The following DEPDC1B variants were observed in gnomAD, a reference collection of about 807,000 sequenced individuals.
DEPDC1B encodes the protein DEP domain-containing protein 1B.
A neutral mutation model predicts 66.5 loss-of-function variants in DEPDC1B; 51 were observed. The ratio of observed to expected loss-of-function variants is 0.77; its 90% CI spans 0.61 to 0.97. The LOEUF is 0.97. Among genes scored for constraint, DEPDC1B ranks in the 50% least tolerant of loss-of-function variants. The pLI, the probability that DEPDC1B is intolerant of heterozygous loss-of-function variation, is 0.00. For missense variants in DEPDC1B, 552 were observed against 637.1 expected, an observed-to-expected ratio of 0.87 and a Z score of 1.44; for synonymous variants, 226 against 223.6, an observed-to-expected ratio of 1.01 and a Z score of -0.10.
At position 60,655,509 on chromosome 5, in the gene DEPDC1B, G is replaced by A. The variant is rs374044841; in HGVS notation, c.315-7976C>T. Among the ~76,000 whole-genome samples the A allele has an allele frequency of 1.3e-4, 20 of 148,894 alleles. 3 individuals carry two copies. Among genetic ancestry groups the A allele is most frequent in the East Asian group, 6.2e-4 (3 of 4,840 alleles). ...GTTTCTAATTGAGCTTATTTGGATCGTCTCTCTTTTCTTGGTTAATCTTAC... is the reference window on the plus strand; with the variant it reads ...GTTTCTAATTGAGCTTATTTGGATCATCTCTCTTTTCTTGGTTAATCTTAC... On this transcript the variant is annotated intron_variant, in intron 2 of 10. Coordinates refer to ENST00000265036, the MANE Select transcript of DEPDC1B (RefSeq NM_018369.3).
intron 2 of DEPDC1B, among the ~76,000 whole-genome samples, chr5:60,677,814 C>A (rs969231189): frequency 6.6e-6 from 1 of 152,096 alleles, no homozygotes; most frequent in African/African-American, 2.4e-5. Flanking sequence ...AATCACAGGA[C>A]AACAACCCAT....
At chr5:60,648,155 C>T (rs1753364424) in intron 2 of DEPDC1B, 2 of 152,138 alleles carry the variant, frequency 1.3e-5, no homozygotes, top group African/African-American at 4.8e-5. Flanking sequence ...CTTTGTCTTT[C>T]CTCTGTTTGC....
chr5:60,651,861 G>A (rs918218988), intron 2 of DEPDC1B, among the ~76,000 whole-genome samples: 1 of 152,210 alleles, frequency 6.6e-6, no homozygotes, highest in African/African-American at 2.4e-5. Flanking sequence ...AATTTCCCAG[G>A]ATGAATGATG....
At chr5:60,682,519 A>C (rs1260886697) in intron 2 of DEPDC1B, among the ~76,000 whole-genome samples, 5 of 152,224 alleles carry the variant, frequency 3.3e-5, no homozygotes, top group Admixed American at 3.3e-4. Flanking sequence ...GTATAATTAA[A>C]AAAATAAAAA....
intron 7 of DEPDC1B, among the ~76,000 whole-genome samples, chr5:60,612,298 C>G (rs1208718521): frequency 6.6e-6 from 1 of 151,894 alleles, no homozygotes; most frequent in Non-Finnish European, 1.5e-5. Flanking sequence ...TGGCATGTGC[C>G]TGTCGTCCCA....
At chr5:60,640,641 G>A (rs1316394012) in intron 6 of DEPDC1B, among the ~76,000 whole-genome samples, 1 of 152,166 alleles carries the variant, frequency 6.6e-6, no homozygotes, top group Non-Finnish European at 1.5e-5. Flanking sequence ...CCAGCATTGA[G>A]GCTGGCCAAC....
chr5:60,693,950 T>C (rs1392701111), intron 1 of DEPDC1B, among the ~76,000 whole-genome samples: 1 of 152,172 alleles, frequency 6.6e-6, no homozygotes, highest in African/African-American at 2.4e-5. Flanking sequence ...TAATACCTTA[T>C]GCATTACATA....
At chr5:60,598,573 G>A (rs1371508394) in intron 10 of DEPDC1B, among the ~76,000 whole-genome samples, 2 of 152,236 alleles carry the variant, frequency 1.3e-5, no homozygotes, top group African/African-American at 2.4e-5. Context: ...AAAACGATTC[G>A]CTGGAACCCT....
chr5:60,646,518 A>C (rs1295716755), intron 3 of DEPDC1B, among the ~76,000 whole-genome samples: 1 of 152,204 alleles, frequency 6.6e-6, no homozygotes, highest in Non-Finnish European at 1.5e-5. Flanking sequence ...GACTCTTTGT[A>C]TTTATGGGTT....
At chr5:60,633,615 C>A (rs1237476810) in intron 7 of DEPDC1B, among the ~76,000 whole-genome samples, 1 of 152,186 alleles carries the variant, frequency 6.6e-6, no homozygotes, top group Non-Finnish European at 1.5e-5. Flanking sequence ...CAATAGCCTG[C>A]AGTCCTGGGA....
chr5:60,621,153 G>A (rs1243706821), intron 7 of DEPDC1B, among the ~76,000 whole-genome samples: 1 of 151,880 alleles, frequency 6.6e-6, no homozygotes, highest in East Asian at 1.9e-4. Context: ...GTGGGGGTAG[G>A]GGGAGGGATA....
At chr5:60,612,588 G>A (rs1752438401) in intron 7 of DEPDC1B, among the ~76,000 whole-genome samples, 1 of 146,708 alleles carries the variant, frequency 6.8e-6, no homozygotes, top group Non-Finnish European at 1.5e-5. Flanking sequence ...TTACTTTCCT[G>A]ATTTTTATGC....
At position 60,692,025 on chromosome 5, in the gene DEPDC1B, C is replaced by T. The variant is rs187376589; in HGVS notation, c.49-4798G>A. ...CTTTAAAAAAAGAAAGAAATGTTGT[C>T]ATTTGCAACGACATGGATGGAAGTG... is the stretch of plus-strand genomic sequence containing the variant. On this transcript the variant is annotated intron_variant, in intron 1 of 10. Transcript: ENST00000265036. Among the ~76,000 whole-genome samples the T allele has an allele frequency of 1.0e-3, 152 of 152,266 alleles. 2 individuals are homozygous for T. Among genetic ancestry groups the T allele is most frequent in the Non-Finnish European group, 2.9e-4 (20 of 68,014 alleles).
At chr5:60,615,500 T>C (rs1200502008) in intron 7 of DEPDC1B, among the ~76,000 whole-genome samples, 1 of 152,212 alleles carries the variant, frequency 6.6e-6, no homozygotes, top group Non-Finnish European at 1.5e-5. Flanking sequence ...GGAGATTATA[T>C]CCCGTGCCTG....
At chr5:60,604,060 T>C (rs1752260490) in intron 8 of DEPDC1B, among the ~76,000 whole-genome samples, 1 of 151,544 alleles carries the variant, frequency 6.6e-6, no homozygotes, top group Admixed American at 6.6e-5. Flanking sequence ...TTATTTTCTC[T>C]AGGATTTTCG....
intron 1 of DEPDC1B, among the ~76,000 whole-genome samples, chr5:60,694,108 G>T (rs1754605296): frequency 6.6e-6 from 1 of 151,912 alleles, no homozygotes; most frequent in Non-Finnish European, 1.5e-5. Flanking sequence ...ATTAAATACA[G>T]AAGTATACAC....
At chr5:60,685,121 T>C (rs73759382) in intron 2 of DEPDC1B, among the ~76,000 whole-genome samples, 2,786 of 152,294 alleles carry the variant, frequency 0.018, 102 homozygotes, top group African/African-American at 0.064. Flanking sequence ...AGTAGTACTC[T>C]TTGCCCAAGG....
intron 2 of DEPDC1B, among the ~76,000 whole-genome samples, chr5:60,679,895 C>T (rs1754257741): frequency 6.6e-6 from 1 of 152,170 alleles, no homozygotes; most frequent in African/African-American, 2.4e-5. Flanking sequence ...TTCACATACA[C>T]AGATGGGCAG....
At chr5:60,645,711 G>T in intron 3 of DEPDC1B, 92 bp from the exon 4 acceptor site, 1 of 1,323,620 alleles carries the variant, frequency 7.6e-7, no homozygotes, top group Non-Finnish European at 1.0e-6. Flanking sequence ...GGATTTTTAT[G>T]AGAAATGTCT....
Sources: gnomAD v4.1 joint callset for allele counts (sites outside exome capture counted in the v4.1 genomes callset) on GRCh38, gnomAD v4.1.1 for gene constraint, MANE v1.5 for transcripts, NCBI Gene and HGNC (gene_info 2026-07-23, HGNC 2026-07-21) for gene names.